VWA3A: variants seen among roughly 807,000 people sequenced by gnomAD.
VWA3A encodes the protein von Willebrand factor A domain-containing protein 3A.
A neutral mutation model predicts 160.4 loss-of-function variants in VWA3A; 134 were observed. That is an observed-to-expected ratio of 0.84 (90% CI 0.73 to 0.96). VWA3A has a LOEUF of 0.96. Among genes scored for constraint, VWA3A ranks in the 40% least tolerant of loss-of-function variants. The pLI is 0.00. For synonymous variants in VWA3A, 476 were observed against 543.4 expected, an observed-to-expected ratio of 0.88 and a Z score of 1.72; for missense variants, 1,310 against 1,447.9, an observed-to-expected ratio of 0.90 and a Z score of 1.55.
At chr16:22,120,896 G>A in intron 12 of VWA3A, 72 bp from the exon 13 acceptor site, 5 of 1,570,728 alleles carry the variant, frequency 3.2e-6, no homozygotes, top group Non-Finnish European at 4.3e-6. Flanking sequence ...TTGACTGGGT[G>A]GAGGGTGAAG....
chr16:22,113,153 T>C (rs1208983027), intron 8 of VWA3A, among the ~76,000 whole-genome samples: 3 of 152,198 alleles, frequency 2.0e-5, no homozygotes, highest in Middle Eastern at 3.4e-3. Flanking sequence ...ATGTGTACTA[T>C]TGTTTATTTT....
chr16:22,148,232 G>A lies in VWA3A; in HGVS notation c.2910G>A (p.Met970Ile). The change falls in exon 28 of 34, where the codon ATG (methionine) becomes ATA (isoleucine). Residue 970 changes from methionine (M) to isoleucine (I), a missense_variant. Coordinates refer to ENST00000389398, the MANE Select transcript of VWA3A (RefSeq NM_173615.5). ...VCILLDTSGS[M>I]GPYLQQVKTE... ...TATTGCTGGACACGTCAGGGTCCATGGGCCCCTACCTGCAGCAGGTGAAGA... is the reference window on the plus strand; with the variant it reads ...TATTGCTGGACACGTCAGGGTCCATAGGCCCCTACCTGCAGCAGGTGAAGA... 1 of 1,600,304 alleles carries A rather than the reference G, an allele frequency of 6.2e-7. No homozygotes were observed. Among genetic ancestry groups the A allele is most frequent in the African/African-American group, 1.3e-5 (1 of 74,820 alleles).
rs1268692502 is a variant in VWA3A, at chr16:22,155,846, A to G, written c.3504-5A>G. 6.2e-7 allele frequency: 1 copy of G among 1,613,880 alleles called. No homozygotes were observed. Among genetic ancestry groups the G allele is most frequent in the South Asian group, 1.1e-5 (1 of 91,076 alleles). On this transcript the variant is annotated splice_region_variant and splice_polypyrimidine_tract_variant and intron_variant, in intron 32 of 33. Transcript: ENST00000389398. Reference sequence around the variant, plus strand: ...GACCATCTTTCTTCATCTCCTGCCCACCAGATCCCAACTCCAGAAGAAAAA... The same window carrying G: ...GACCATCTTTCTTCATCTCCTGCCCGCCAGATCCCAACTCCAGAAGAAAAA...
chr16:22,149,653 G>GTAGGGGTCTTCAGTGACGAGCAAGAA (rs2046313107), intron 28 of VWA3A, 134 bp from the exon 29 acceptor site: 11 of 1,161,246 alleles, frequency 9.5e-6, no homozygotes, highest in Non-Finnish European at 1.3e-5. Flanking sequence ...AGGGCTCGTT[G>GTAGGGGTCTTCAGTGACGAGCAAGAA]TAGGGGTCTT....
chr16:22,150,853 A>G lies in VWA3A; in HGVS notation c.3281+7A>G. On this transcript the variant is annotated splice_region_variant and intron_variant, in intron 30 of 33. Coordinates refer to ENST00000389398, the MANE Select transcript of VWA3A (RefSeq NM_173615.5). ...CCTTGAACTGCTCAGACAGGTGCGCAATATGGAGTCTGACTGAGTTTTATT... is the reference window on the plus strand; with the variant it reads ...CCTTGAACTGCTCAGACAGGTGCGCGATATGGAGTCTGACTGAGTTTTATT... The G allele has an allele frequency of 6.2e-7, 1 of 1,611,308 alleles. No homozygotes were observed. Among genetic ancestry groups the G allele is most frequent in the Non-Finnish European group, 8.5e-7 (1 of 1,178,730 alleles).
intron 15 of VWA3A, 103 bp from the exon 16 acceptor site, chr16:22,123,510 A>G: frequency 6.2e-7 from 1 of 1,604,794 alleles, no homozygotes; most frequent in South Asian, 1.1e-5. Context: ...CAGGGACTTG[A>G]CACACCATTC....
rs1213957290 is a variant in VWA3A at position 22,150,613 on chromosome 16, A to G, written c.3130-82A>G. The G allele has an allele frequency of 3.4e-6, 5 of 1,471,378 alleles. No individual in the cohort carries two copies. The African/African-American group carries it at 7.1e-5, about 21-fold the overall frequency. The allele number at this position is 1,471,378 out of a possible 1,614,324, so 91.1% of individuals were successfully genotyped here. ...GATGCATTTTGGCAGAGGCGGCAGC[A>G]GGCACTACCTTTAGGCATTTGGTTC... On this transcript the variant is annotated intron_variant, in intron 29 of 33. Coordinates refer to ENST00000389398, the MANE Select transcript of VWA3A (RefSeq NM_173615.5).
At chr16:22,154,960 C>CAAAAAAAAAAAAAAAAA (rs747770335) in intron 31 of VWA3A, among the ~76,000 whole-genome samples, 1 of 54,434 alleles carries the variant, frequency 1.8e-5, no homozygotes, top group Admixed American at 3.0e-4. Context: ...GACTCCGTCT[C>CAAAAAAAAAAAAAAAAA]AAAAAAAAAA....
At chr16:22,132,557 C>T (rs1394942690) in intron 19 of VWA3A, among the ~76,000 whole-genome samples, 1 of 151,844 alleles carries the variant, frequency 6.6e-6, no homozygotes, top group East Asian at 1.9e-4. Flanking sequence ...CTTTAAAATA[C>T]ATACATACAT....
chr16:22,103,670 A>C, intron 6 of VWA3A, 141 bp downstream of exon 6: 1 of 933,624 alleles, frequency 1.1e-6, no homozygotes, highest in Non-Finnish European at 1.6e-6. Context: ...AGTAAATGAA[A>C]ACCCCAGCCA....
intron 1 of VWA3A, among the ~76,000 whole-genome samples, chr16:22,095,778 T>G (rs1408666485): frequency 2.0e-5 from 3 of 151,796 alleles, no homozygotes; most frequent in Non-Finnish European, 2.9e-5. Flanking sequence ...CCAAGGCTGG[T>G]CTTGAACTCC....
In VWA3A at chr16:22,142,842, G is replaced by A. The variant is rs143580498; in HGVS notation, c.2592+77G>A. On this transcript the variant is annotated intron_variant, in intron 25 of 33. Transcript: ENST00000389398. ...GTCCACCAACCATTACTTCTAGGAT[G>A]GGGGGGCATAATCAGAAATGAGAAC... The A allele has an allele frequency of 2.1e-5, 23 of 1,106,644 alleles. No homozygotes were observed. In the East Asian group the frequency reaches 4.3e-4, roughly 21 times the overall value. The allele number at this position is 1,106,644 out of a possible 1,614,324, so 68.6% of individuals were successfully genotyped here.
Position 22,131,580 on chromosome 16 carries a change from C to T in VWA3A, c.1728-5C>T, listed in dbSNP as rs1263796317. 36 of 1,610,804 alleles carry T rather than the reference C, an allele frequency of 2.2e-5. No individual in the cohort carries two copies. Among genetic ancestry groups the T allele is most frequent in the Non-Finnish European group, 2.9e-5 (34 of 1,178,404 alleles). On this transcript the variant is annotated splice_region_variant and splice_polypyrimidine_tract_variant and intron_variant, in intron 18 of 33. Coordinates refer to ENST00000389398, the MANE Select transcript of VWA3A (RefSeq NM_173615.5). ...CCCTCAGCATGGCCATCTCTGCCTCCGCAGGTGGGCCCTGAACCTGCGGTG... is the reference window on the plus strand; with the variant it reads ...CCCTCAGCATGGCCATCTCTGCCTCTGCAGGTGGGCCCTGAACCTGCGGTG...
At chr16:22,121,672 T>C in intron 14 of VWA3A, 55 bp downstream of exon 14, 1 of 1,352,428 alleles carries the variant, frequency 7.4e-7, no homozygotes, top group Non-Finnish European at 1.1e-6. Flanking sequence ...CCCTTGTGGC[T>C]TTTCCTACCT....
chr16:22,109,999 G>A (rs915080758), intron 7 of VWA3A, among the ~76,000 whole-genome samples: 1 of 152,204 alleles, frequency 6.6e-6, no homozygotes, highest in Non-Finnish European at 1.5e-5. Flanking sequence ...GAACAGGCTG[G>A]TGTTGCTCAT....
At chr16:22,153,877 T>C (rs535748496) in intron 31 of VWA3A, among the ~76,000 whole-genome samples, 1 of 151,794 alleles carries the variant, frequency 6.6e-6, no homozygotes, top group East Asian at 1.9e-4. Context: ...GTAGCTGGGA[T>C]CACAGGTGTG....
At chr16:22,111,400 G>A (rs1445789445) in intron 8 of VWA3A, among the ~76,000 whole-genome samples, 3 of 151,904 alleles carry the variant, frequency 2.0e-5, no homozygotes, top group Non-Finnish European at 4.4e-5. Flanking sequence ...GCTCATTGCA[G>A]CTTTGACATC....
Position 22,156,240 on chromosome 16 carries a change from C to CTGG in VWA3A, c.*223_*224insTGG. The CTGG allele has an allele frequency of 3.7e-6, 1 of 271,542 alleles. No homozygotes were observed. The highest frequency in any genetic ancestry group is 7.0e-6 in the Non-Finnish European group (1 of 143,832). The allele number at this position is 271,542 out of a possible 1,614,324, so 16.8% of individuals were successfully genotyped here. The stretch of plus-strand genomic sequence containing the variant: ...CCTGTCCCGCAGCGCACTCTACTCT[C>CTGG]CAGCCACTAGATTGTCCCTCTCTGG... On this transcript the variant is annotated 3_prime_UTR_variant, in exon 34 of 34. Coordinates refer to ENST00000389398, the MANE Select transcript of VWA3A (RefSeq NM_173615.5).
intron 8 of VWA3A, among the ~76,000 whole-genome samples, chr16:22,113,751 C>T (rs1314994299): frequency 6.6e-6 from 1 of 151,562 alleles, no homozygotes; most frequent in African/African-American, 2.4e-5. Flanking sequence ...AGGGTGTGCC[C>T]AGCTGATTTT....
Sources: gnomAD v4.1 joint callset for allele counts (sites outside exome capture counted in the v4.1 genomes callset) on GRCh38, gnomAD v4.1.1 for gene constraint, MANE v1.5 for transcripts, NCBI Gene and HGNC (gene_info 2026-07-23, HGNC 2026-07-21) for gene names.